Variants in LOC112694756 observed in about 807,000 individuals in gnomAD.
chr16:30,070,260 C>G, the LOC112694756 span: 1 of 1,593,614 alleles, frequency 6.3e-7, no homozygotes, highest in Non-Finnish European at 8.6e-7. Flanking sequence ...CCTGCCCCCT[C>G]CCACTCTTGA....
At chr16:30,064,252 A>G in the LOC112694756 span, 3 of 394,610 alleles carry the variant, frequency 7.6e-6, no homozygotes, top group Middle Eastern at 1.3e-3. Context: ...TTAGGAGGTG[A>G]GTGTAGTGCC....
the LOC112694756 span, chr16:30,069,274 G>A: frequency 6.2e-7 from 1 of 1,611,004 alleles, no homozygotes; most frequent in South Asian, 1.1e-5. Context: ...GGGTTAGGAG[G>A]CCTCACAGTG....
the LOC112694756 span, among the ~76,000 whole-genome samples, chr16:30,058,718 G>A: frequency 1.3e-5 from 2 of 152,124 alleles, no homozygotes; most frequent in East Asian, 1.9e-4. Context: ...TCCTGACCTC[G>A]TGATCCGCCC....
At chr16:30,055,228 G>T in the LOC112694756 span, 1 of 399,450 alleles carries the variant, frequency 2.5e-6, no homozygotes, top group East Asian at 3.6e-5. Context: ...GTTCCTCCGG[G>T]CCCCCAGACT....
the LOC112694756 span, chr16:30,055,271 C>T: frequency 2.0e-5 from 8 of 399,126 alleles, no homozygotes; most frequent in Non-Finnish European, 3.5e-5. Context: ...CTGCAACTTT[C>T]CTCTGCCTAG....
chr16:30,053,712 CTAAG>C, the LOC112694756 span, among the ~76,000 whole-genome samples: 1 of 152,158 alleles, frequency 6.6e-6, no homozygotes, highest in African/African-American at 2.4e-5. Flanking sequence ...AAGGAGTTGA[CTAAG>C]TAATCCACGA....
At chr16:30,069,069 C>A in the LOC112694756 span, 1 of 1,580,642 alleles carries the variant, frequency 6.3e-7, no homozygotes, top group South Asian at 1.1e-5. Flanking sequence ...TGCCTACCTC[C>A]CCAAAAGCAA....
At chr16:30,054,389 A>AAGGG in the LOC112694756 span, among the ~76,000 whole-genome samples, 1 of 152,090 alleles carries the variant, frequency 6.6e-6, no homozygotes, top group Non-Finnish European at 1.5e-5. Context: ...GACGGATTGT[A>AAGGG]AGGGAGGGAG....
chr16:30,070,333 A>G, the LOC112694756 span: 25 of 898,768 alleles, frequency 2.8e-5, no homozygotes, highest in South Asian at 1.2e-4. Flanking sequence ...CCCTCGTGAC[A>G]GTGGTGTGTG....
At chr16:30,056,298 G>A in the LOC112694756 span, among the ~76,000 whole-genome samples, 4 of 151,434 alleles carry the variant, frequency 2.6e-5, no homozygotes, top group Admixed American at 6.6e-5. Context: ...TAGTAGAGAC[G>A]GGGTTTCACC....
chr16:30,066,501 G>A, the LOC112694756 span, among the ~76,000 whole-genome samples: 4 of 152,236 alleles, frequency 2.6e-5, no homozygotes, highest in African/African-American at 9.6e-5. Context: ...GAACAGTGAC[G>A]ATGGCAAAGC....
chr16:30,067,773 G>A, the LOC112694756 span: 2 of 1,262,802 alleles, frequency 1.6e-6, no homozygotes, highest in Non-Finnish European at 2.3e-6. Flanking sequence ...CTTGCATGGA[G>A]CCTGCTTCAG....
the LOC112694756 span, among the ~76,000 whole-genome samples, chr16:30,061,803 G>A: frequency 5.9e-5 from 9 of 151,424 alleles, no homozygotes; most frequent in Admixed American, 2.0e-4. Flanking sequence ...TAAGTGATCC[G>A]CCCACCTTGG....
At chr16:30,068,577 G>A in the LOC112694756 span, 165 of 1,545,340 alleles carry the variant, frequency 1.1e-4, 1 homozygote, top group East Asian at 1.9e-3. Context: ...TACTCCAGCC[G>A]GGGCGACAGT....
At chr16:30,064,154 C>CA in the LOC112694756 span, 1 of 398,622 alleles carries the variant, frequency 2.5e-6, no homozygotes, top group East Asian at 3.6e-5. Context: ...GCTCACCACA[C>CA]ACAAGTGTTA....
the LOC112694756 span, chr16:30,068,448 G>T: frequency 9.0e-6 from 6 of 668,792 alleles, no homozygotes; most frequent in Non-Finnish European, 1.7e-5. Context: ...TAAATGTGGG[G>T]GAAGACTGGG....
chr16:30,070,056 G>T, the LOC112694756 span: 1 of 1,613,558 alleles, frequency 6.2e-7, no homozygotes, highest in East Asian at 2.2e-5. Flanking sequence ...GGTGGGCAGG[G>T]TGCCTGGGTG....
At chr16:30,059,293 C>T in the LOC112694756 span, among the ~76,000 whole-genome samples, 5,557 of 151,872 alleles carry the variant, frequency 0.037, 341 homozygotes, top group African/African-American at 0.13. Flanking sequence ...GTCAGGAGTT[C>T]GAGACCATCC....
At chr16:30,069,587 A>G in the LOC112694756 span, 8 of 1,614,004 alleles carry the variant, frequency 5.0e-6, no homozygotes, top group African/African-American at 1.1e-4. Context: ...ACCCCAGGCC[A>G]TGCTTGCACT....
Sources: allele counts gnomAD v4.1 joint callset (sites outside exome capture counted in the v4.1 genomes callset), GRCh38; gene constraint gnomAD v4.1.1; transcripts MANE v1.5.